Variants in SYPL1 observed in about 807,000 individuals in gnomAD.
SYPL1 encodes the protein synaptophysin like 1.
Under a neutral mutation model 23.7 loss-of-function variants are expected in SYPL1, and 6 were observed. The ratio of observed to expected loss-of-function variants is 0.25; its 90% CI spans 0.14 to 0.50. The LOEUF is 0.50. SYPL1 is among the 20% of genes least tolerant of loss of function. The pLI, the probability that SYPL1 is intolerant of heterozygous loss-of-function variation, is 0.98. For synonymous variants in SYPL1, 102 were observed against 104.5 expected, an observed-to-expected ratio of 0.98 and a Z score of 0.15; for missense variants, 253 against 288.9, an observed-to-expected ratio of 0.88 and a Z score of 0.90.
chr7:106,108,306 G>A (rs779702133), intron 1 of SYPL1, among the ~76,000 whole-genome samples: 1 of 152,166 alleles, frequency 6.6e-6, no homozygotes, highest in East Asian at 1.9e-4. Context: ...CTGGCTGGCT[G>A]TCTTGAAGTA....
At chr7:106,094,378 C>T (rs1405285941) in intron 3 of SYPL1, among the ~76,000 whole-genome samples, 2 of 152,072 alleles carry the variant, frequency 1.3e-5, no homozygotes, top group African/African-American at 2.4e-5. Context: ...TATAGCTTGC[C>T]CACTTGGTCA....
chr7:106,101,039 A>G (rs1350405116), intron 1 of SYPL1, among the ~76,000 whole-genome samples: 1 of 152,146 alleles, frequency 6.6e-6, no homozygotes, highest in Non-Finnish European at 1.5e-5. Flanking sequence ...CCTGGAATAC[A>G]TGCTTCACTC....
chr7:106,112,320 G>A (rs568998091), upstream of SYPL1: 14 of 1,288,342 alleles, frequency 1.1e-5, no homozygotes, highest in Admixed American at 3.6e-5. Flanking sequence ...CGCGCTGGCC[G>A]GGCTCGGAGG....
chr7:106,093,090 A>T lies in SYPL1; in HGVS notation c.450T>A (p.Thr150=). ...LVATFLWLVS[T]SAWAKALTDI... ...CTGTCAGAGCTTTAGCCCAGGCTGA[A>T]GTGCTCACCAACCACAAAAAAGTGG... The change falls in exon 4 of 5, where the codon ACT becomes ACA. Residue 150 remains threonine (T), a synonymous_variant. Transcript: ENST00000455385. 1 of 1,612,578 alleles carries T rather than the reference A, an allele frequency of 6.2e-7. No homozygotes were observed. The highest frequency in any genetic ancestry group is 1.1e-5 in the South Asian group (1 of 90,576).
chr7:106,102,485 G>A (rs1044822876), intron 1 of SYPL1, among the ~76,000 whole-genome samples: 1 of 152,154 alleles, frequency 6.6e-6, no homozygotes, highest in Non-Finnish European at 1.5e-5. Context: ...AGGATACTCA[G>A]GCAACTTTTA....
chr7:106,098,913 A>T (rs1217303988), intron 2 of SYPL1, among the ~76,000 whole-genome samples: 2 of 152,238 alleles, frequency 1.3e-5, no homozygotes, highest in Non-Finnish European at 2.9e-5. Flanking sequence ...TCAAGGCAAC[A>T]TCACATTGTT....
intron 2 of SYPL1, 45 bp downstream of exon 2, chr7:106,099,113 G>A: frequency 1.3e-6 from 2 of 1,576,670 alleles, no homozygotes; most frequent in African/African-American, 1.4e-5. Flanking sequence ...GACTCACTGT[G>A]AAAGTAAAAA....
At position 106,095,461 on chromosome 7, in the gene SYPL1, T is replaced by C. The variant is rs953648473; in HGVS notation, c.402+2229A>G. 9.9e-5 allele frequency among the ~76,000 whole-genome samples: 15 copies of C among 152,124 alleles called. No individual in the cohort carries two copies. The highest frequency in any genetic ancestry group is 3.4e-4 in the African/African-American group (14 of 41,408). ...ACCTCCTGGGTTCAAGCGATTCTCC[T>C]GCCTCAGCCTCCCAGTAGCTGGGAT... On this transcript the variant is annotated intron_variant, in intron 3 of 4. Coordinates refer to ENST00000455385, the MANE Select transcript of SYPL1 (RefSeq NM_182715.4). The surrounding 1 kb of genome is among the most constrained non-coding windows in gnomAD (Gnocchi z 4.3).
intron 4 of SYPL1, chr7:106,092,646 C>CT (rs1563338260): frequency 2.6e-6 from 1 of 379,684 alleles, no homozygotes; most frequent in East Asian, 9.4e-5. Context: ...GCACTCCAGT[C>CT]TGAGCGACAT....
At chr7:106,106,935 T>C (rs780004946) in intron 1 of SYPL1, among the ~76,000 whole-genome samples, 14 of 152,250 alleles carry the variant, frequency 9.2e-5, no homozygotes, top group Non-Finnish European at 1.8e-4. Context: ...TACTGGAGAA[T>C]ACTAGTATTC....
At chr7:106,099,373 G>T in intron 1 of SYPL1, 91 bp from the exon 2 acceptor site, 1 of 1,409,076 alleles carries the variant, frequency 7.1e-7, no homozygotes, top group Non-Finnish European at 9.6e-7. Flanking sequence ...TAAGCACACT[G>T]ATTATTAAAA....
chr7:106,105,432 T>A (rs1334729912), intron 1 of SYPL1, among the ~76,000 whole-genome samples: 1 of 150,914 alleles, frequency 6.6e-6, no homozygotes, highest in East Asian at 1.9e-4. Context: ...AGCTTCTGTT[T>A]AGTCAGAAAA....
chr7:106,096,669 T>G lies in SYPL1; in HGVS notation c.402+1021A>C, dbSNP rs1374734248. On this transcript the variant is annotated intron_variant, in intron 3 of 4. Transcript: ENST00000455385. The surrounding 1 kb of genome is among the most constrained non-coding windows in gnomAD (Gnocchi z 4.4). Reference sequence around the variant, plus strand: ...TAGGACTTCAAATCTAAGTCCTTTGTTGATACCTCAAAGATTCAAAATTAG... The same window carrying G: ...TAGGACTTCAAATCTAAGTCCTTTGGTGATACCTCAAAGATTCAAAATTAG... Among the ~76,000 whole-genome samples the G allele has an allele frequency of 1.3e-5, 2 of 152,240 alleles. No individual in the cohort carries two copies. The highest frequency in any genetic ancestry group is 4.8e-5 in the African/African-American group (2 of 41,474).
At chr7:106,093,401 C>T (rs931697790) in intron 3 of SYPL1, 6 of 364,856 alleles carry the variant, frequency 1.6e-5, no homozygotes, top group Admixed American at 8.8e-5. Flanking sequence ...AAGTTTTATA[C>T]AGCCTTCAAC....
chr7:106,093,021 C>A lies in SYPL1; in HGVS notation c.519G>T (p.Pro173=). ...ATGHNIIDEL[P]PCKKKAVLCY... Reference sequence around the variant, plus strand: ...ACAGTACTGCTTTCTTCTTACAAGGCGGAAGTTCATCAATAATATTGTGAC... The same window carrying A: ...ACAGTACTGCTTTCTTCTTACAAGGAGGAAGTTCATCAATAATATTGTGAC... The change falls in exon 4 of 5, where the codon CCG becomes CCT. Residue 173 remains proline (P), a synonymous_variant. Coordinates refer to ENST00000455385, the MANE Select transcript of SYPL1 (RefSeq NM_182715.4). 2 of 1,613,824 alleles carry A rather than the reference C, an allele frequency of 1.2e-6. No homozygotes were observed. The highest frequency in any genetic ancestry group is 1.7e-6 in the Non-Finnish European group (2 of 1,179,880).
In SYPL1 at chr7:106,096,850, T is replaced by C. The variant is rs149188226; in HGVS notation, c.402+840A>G. ...CTGTTACAACTACTCAACTTTACCA[T>C]TGCAGTGTGAAAGCAGCCATAGGCA... is the stretch of plus-strand genomic sequence containing the variant. On this transcript the variant is annotated intron_variant, in intron 3 of 4. Coordinates refer to ENST00000455385, the MANE Select transcript of SYPL1 (RefSeq NM_182715.4). This position sits in a 1 kb window ranked among gnomAD's most constrained non-coding sequence, Gnocchi z 4.4. Among the ~76,000 whole-genome samples, 5 of 152,246 alleles carry C rather than the reference T, an allele frequency of 3.3e-5. No homozygotes were observed. The highest frequency in any genetic ancestry group is 1.9e-4 in the East Asian group (1 of 5,182).
Position 106,091,943 on chromosome 7 carries a change from T to C in SYPL1, c.592-4A>G, listed in dbSNP as rs375862416. ...TCATATTTAGAAAGCCAAATATCTATGAAAGAGAAAAAGAAATATGAAAAT... is the reference window on the plus strand; with the variant it reads ...TCATATTTAGAAAGCCAAATATCTACGAAAGAGAAAAAGAAATATGAAAAT... On this transcript the variant is annotated splice_polypyrimidine_tract_variant and splice_region_variant and intron_variant, in intron 4 of 4. Coordinates refer to ENST00000455385, the MANE Select transcript of SYPL1 (RefSeq NM_182715.4). This position sits in a 1 kb window ranked among gnomAD's most constrained non-coding sequence, Gnocchi z 5.0. 5.6e-6 allele frequency: 9 copies of C among 1,593,292 alleles called. No homozygotes were observed. In the Admixed American group the frequency reaches 7.5e-5, roughly 13 times the overall value.
intron 1 of SYPL1, among the ~76,000 whole-genome samples, chr7:106,099,829 A>G (rs919628613): frequency 3.9e-5 from 6 of 152,222 alleles, no homozygotes; most frequent in Non-Finnish European, 8.8e-5. Flanking sequence ...GTGTGCCACC[A>G]TGCCTGGCTA....
rs1426034907 is a variant in SYPL1, at chr7:106,095,022, C to CT, written c.403-1886dup. Among the ~76,000 whole-genome samples, 1 of 152,162 alleles carries CT rather than the reference C, an allele frequency of 6.6e-6. No individual in the cohort carries two copies. Among genetic ancestry groups the CT allele is most frequent in the East Asian group, 1.9e-4 (1 of 5,194 alleles). On this transcript the variant is annotated intron_variant, in intron 3 of 4. Transcript: ENST00000455385. This position sits in a 1 kb window ranked among gnomAD's most constrained non-coding sequence, Gnocchi z 4.3. ...CACAACCTGCAGCTGCCTAGGGCAGCTCTACTCCTCCCAACAATTCACAAT... is the reference window on the plus strand; with the variant it reads ...CACAACCTGCAGCTGCCTAGGGCAGCTTCTACTCCTCCCAACAATTCACAAT...
Sources: gnomAD v4.1 joint callset for allele counts (sites outside exome capture counted in the v4.1 genomes callset) on GRCh38, gnomAD v4.1.1 for gene constraint, Gnocchi (gnomAD v3.1) non-coding constraint, MANE v1.5 for transcripts, NCBI Gene and HGNC (gene_info 2026-07-23, HGNC 2026-07-21) for gene names.